Variants in FHIT observed in about 807,000 individuals in gnomAD.
FHIT encodes the protein bis(5'-adenosyl)-triphosphatase.
Under a neutral mutation model 17.9 loss-of-function variants are expected in FHIT, and 19 were observed. The observed-to-expected ratio is 1.06, with a 90% CI of 0.74 to 1.56. The LOEUF (loss-of-function observed/expected upper bound fraction) is 1.56. FHIT is among the 40% of genes most tolerant of loss of function. The pLI, the probability that FHIT is intolerant of heterozygous loss-of-function variation, is 0.00. For missense variants in FHIT, 248 were observed against 189.2 expected, an observed-to-expected ratio of 1.31 and a Z score of -1.82; for synonymous variants, 81 against 69.7, an observed-to-expected ratio of 1.16 and a Z score of -0.81.
chr3:60,072,013 C>T (rs955723701), intron 5 of FHIT, among the ~76,000 whole-genome samples: 2 of 152,178 alleles, frequency 1.3e-5, no homozygotes, highest in Non-Finnish European at 2.9e-5. Flanking sequence ...AAACCTCTTC[C>T]CTTTATGATT....
intron 4 of FHIT, among the ~76,000 whole-genome samples, chr3:60,769,694 T>C (rs1699976012): frequency 6.6e-6 from 1 of 152,210 alleles, no homozygotes; most frequent in South Asian, 2.1e-4. Context: ...GTTTGCCTTG[T>C]GTGAACGCAG....
intron 3 of FHIT, among the ~76,000 whole-genome samples, chr3:60,931,555 T>C (rs1011789052): frequency 6.6e-6 from 1 of 151,968 alleles, no homozygotes; most frequent in African/African-American, 2.4e-5. Flanking sequence ...CAAAGGAAAA[T>C]GAAGCGGTCA....
intron 5 of FHIT, among the ~76,000 whole-genome samples, chr3:60,251,554 T>A (rs1022468891): frequency 1.3e-5 from 2 of 152,238 alleles, no homozygotes; most frequent in Admixed American, 1.3e-4. Context: ...TATTTAAAAA[T>A]TGTACTTCCA....
At chr3:59,856,589 C>T (rs1422188091) in intron 8 of FHIT, among the ~76,000 whole-genome samples, 3 of 152,168 alleles carry the variant, frequency 2.0e-5, no homozygotes, top group African/African-American at 4.8e-5. Context: ...TAAGGCATAA[C>T]AAATTTTATT....
intron 8 of FHIT, among the ~76,000 whole-genome samples, chr3:59,772,903 C>G (rs1702138192): frequency 6.6e-6 from 1 of 152,184 alleles, no homozygotes; most frequent in South Asian, 2.1e-4. Context: ...AGGGCCCCCT[C>G]TCAAAGCTCA....
chr3:61,043,979 G>A (rs751628288), intron 2 of FHIT, among the ~76,000 whole-genome samples: 2 of 152,094 alleles, frequency 1.3e-5, no homozygotes, highest in Non-Finnish European at 2.9e-5. Context: ...CCATCTGGAC[G>A]TCACCATCAT....
chr3:60,190,603 T>C (rs375760586), intron 5 of FHIT, among the ~76,000 whole-genome samples: 1 of 151,048 alleles, frequency 6.6e-6, no homozygotes, highest in East Asian at 2.0e-4. Flanking sequence ...ACAACATCAC[T>C]GGGGACTGTT....
chr3:60,258,586 T>G (rs1375760949), intron 5 of FHIT, among the ~76,000 whole-genome samples: 1 of 152,006 alleles, frequency 6.6e-6, no homozygotes, highest in East Asian at 1.9e-4. Context: ...AGGGGAAAAA[T>G]ATATTTTCCT....
At chr3:60,608,616 A>G (rs1236527023) in intron 4 of FHIT, among the ~76,000 whole-genome samples, 19 of 152,196 alleles carry the variant, frequency 1.2e-4, no homozygotes, top group Admixed American at 1.2e-3. Flanking sequence ...GAGTTGGGTC[A>G]AACAGGAACT....
chr3:60,098,458 G>T (rs1393235780), intron 5 of FHIT, among the ~76,000 whole-genome samples: 1 of 151,714 alleles, frequency 6.6e-6, no homozygotes, highest in Non-Finnish European at 1.5e-5. Flanking sequence ...GCATTTCTCT[G>T]ATGGCCAGTG....
At chr3:59,797,917 A>G (rs768145625) in intron 8 of FHIT, among the ~76,000 whole-genome samples, 1 of 152,222 alleles carries the variant, frequency 6.6e-6, no homozygotes, top group Non-Finnish European at 1.5e-5. Context: ...GTGATGAGGT[A>G]TCCATGTTCA....
chr3:60,306,474 G>C (rs1385963595), intron 5 of FHIT, among the ~76,000 whole-genome samples: 1 of 152,134 alleles, frequency 6.6e-6, no homozygotes, highest in East Asian at 1.9e-4. Flanking sequence ...ATGAAGCAAA[G>C]AAAACGTAAA....
At chr3:61,190,015 T>C (rs565614924) in intron 2 of FHIT, among the ~76,000 whole-genome samples, 306 of 152,146 alleles carry the variant, frequency 2.0e-3, no homozygotes, top group Middle Eastern at 3.4e-3. Flanking sequence ...ATTCAGGACA[T>C]AGGCATGGGC....
At chr3:60,610,086 T>C (rs957382467) in intron 4 of FHIT, among the ~76,000 whole-genome samples, 6 of 152,204 alleles carry the variant, frequency 3.9e-5, no homozygotes, top group Admixed American at 3.3e-4. Context: ...ATTATTATTA[T>C]ATTTATGCAT....
intron 5 of FHIT, among the ~76,000 whole-genome samples, chr3:60,212,143 C>G (rs1703480645): frequency 6.6e-6 from 1 of 152,130 alleles, no homozygotes; most frequent in South Asian, 2.1e-4. Context: ...GAAAACACTT[C>G]TCCTCAAACT....
At chr3:60,219,747 C>T (rs1703874205) in intron 5 of FHIT, among the ~76,000 whole-genome samples, 1 of 152,096 alleles carries the variant, frequency 6.6e-6, no homozygotes, top group African/African-American at 2.4e-5. Flanking sequence ...TTCTTGTCCT[C>T]ACCCAGAAGC....
intron 4 of FHIT, among the ~76,000 whole-genome samples, chr3:60,699,813 T>C (rs964754512): frequency 7.6e-6 from 1 of 131,322 alleles, no homozygotes; most frequent in African/African-American, 3.8e-5. Flanking sequence ...ATCATTTTAA[T>C]TTTAAAAACA....
chr3:60,319,596 G>A (rs1429136617), intron 5 of FHIT, among the ~76,000 whole-genome samples: 1 of 152,136 alleles, frequency 6.6e-6, no homozygotes, highest in Non-Finnish European at 1.5e-5. Flanking sequence ...GCAGAACTGT[G>A]TTTACAGGAA....
At chr3:61,185,409 A>G (rs1485513742) in intron 2 of FHIT, among the ~76,000 whole-genome samples, 3 of 152,198 alleles carry the variant, frequency 2.0e-5, no homozygotes, top group African/African-American at 7.2e-5. Context: ...GCAGTGGCCA[A>G]GCAGACACAA....
Sources: gnomAD v4.1 joint callset for allele counts (sites outside exome capture counted in the v4.1 genomes callset) on GRCh38, gnomAD v4.1.1 for gene constraint, MANE v1.5 for transcripts, NCBI Gene and HGNC (gene_info 2026-07-23, HGNC 2026-07-21) for gene names.